The following CDH23 variants were observed in gnomAD, a reference collection of about 807,000 sequenced individuals.
CDH23 encodes cadherin-23.
In CDH23, 189 loss-of-function variants were observed where a neutral mutation model predicts 317.1. That is an observed-to-expected ratio of 0.60 (90% CI 0.53 to 0.67). The LOEUF is 0.67. Among genes scored for constraint, CDH23 ranks in the 30% least tolerant of loss-of-function variants. The pLI is 0.00. For synonymous variants in CDH23, 1,839 were observed against 1,876.8 expected, an observed-to-expected ratio of 0.98 and a Z score of 0.52; for missense variants, 4,401 against 4,592.4, an observed-to-expected ratio of 0.96 and a Z score of 1.20.
chr10:71,653,428 C>T (rs1189211748), intron 14 of CDH23, among the ~76,000 whole-genome samples: 1 of 152,242 alleles, frequency 6.6e-6, no homozygotes, highest in African/African-American at 2.4e-5. Context: ...AGAGATCACC[C>T]CTGTCCCTCC....
chr10:71,542,665 G>A (rs1295554206), intron 6 of CDH23, among the ~76,000 whole-genome samples: 1 of 152,222 alleles, frequency 6.6e-6, no homozygotes, highest in Non-Finnish European at 1.5e-5. Flanking sequence ...CCAAGACCTG[G>A]CTGCTGATAC....
intron 11 of CDH23, among the ~76,000 whole-genome samples, chr10:71,633,461 C>T (rs1202701450): frequency 6.6e-6 from 1 of 152,176 alleles, no homozygotes; most frequent in Non-Finnish European, 1.5e-5. Flanking sequence ...TAGGAGGAGC[C>T]CTTTGCATGC....
chr10:71,749,952 C>T (rs1487866454), intron 38 of CDH23: 1 of 152,348 alleles, frequency 6.6e-6, no homozygotes, highest in Non-Finnish European at 1.5e-5. Context: ...TCCACAGTAC[C>T]TGGGGCCCCC....
In CDH23 at chr10:71,694,868, G is replaced by A. The variant is rs140459713; in HGVS notation, c.2290-550G>A. On this transcript the variant is annotated intron_variant, in intron 21 of 69. Coordinates refer to ENST00000224721, the MANE Select transcript of CDH23 (RefSeq NM_022124.6). ...TCTTTGGCTCACCCTCAAAACTGTG[G>A]CCCTCACCCAGTCTGCAGCAGCCAC... Among the ~76,000 whole-genome samples, 1,036 of 152,222 alleles carry A rather than the reference G, an allele frequency of 6.8e-3. 16 individuals are homozygous for A. The highest frequency in any genetic ancestry group is 0.023 in the African/African-American group (973 of 41,532).
chr10:71,760,918 T>C (rs755835959), intron 38 of CDH23: 1 of 1,613,816 alleles, frequency 6.2e-7, no homozygotes, highest in Non-Finnish European at 8.5e-7. Context: ...GGATGGTGCA[T>C]CTTTGCCTGT....
chr10:71,692,626 G>A (rs1243234696), intron 20 of CDH23, among the ~76,000 whole-genome samples: 2 of 152,156 alleles, frequency 1.3e-5, no homozygotes, highest in East Asian at 1.9e-4. Context: ...CACCTAAGCT[G>A]CCCTGTCACC....
intron 17 of CDH23, among the ~76,000 whole-genome samples, chr10:71,681,491 T>C (rs1445872084): frequency 6.6e-6 from 1 of 152,208 alleles, no homozygotes. Flanking sequence ...CTTAGGGTTC[T>C]TCGCCCACCT....
At chr10:71,596,010 T>C (rs956735522) in intron 9 of CDH23, among the ~76,000 whole-genome samples, 2 of 152,178 alleles carry the variant, frequency 1.3e-5, no homozygotes, top group Admixed American at 6.5e-5. Flanking sequence ...GAACTGCTAA[T>C]TGGGGCTTGG....
At chr10:71,430,536 C>T (rs1849322655) in intron 1 of CDH23, among the ~76,000 whole-genome samples, 1 of 152,180 alleles carries the variant, frequency 6.6e-6, no homozygotes, top group Admixed American at 6.5e-5. Flanking sequence ...AGGCCGGGCA[C>T]AGTGGCTCAC....
rs1223691303 is a variant in CDH23 at position 71,705,970 on chromosome 10, TTCTC to T, written c.2953+845_2953+848del. On this transcript the variant is annotated intron_variant, in intron 25 of 69. Transcript: ENST00000224721. ...GGTGAGGATTTCAGAGAGCACAACATTCTCTCTCCCATTGGTCCGAAGCTTGCCT... is the reference window on the plus strand; with the variant it reads ...GGTGAGGATTTCAGAGAGCACAACATTCTCCCATTGGTCCGAAGCTTGCCT... Among the ~76,000 whole-genome samples, 5 of 152,140 alleles carry T rather than the reference TTCTC, an allele frequency of 3.3e-5. No individual in the cohort carries two copies. The South Asian group carries it at 1.0e-3, about 32-fold the overall frequency.
chr10:71,657,260 G>T lies in CDH23; in HGVS notation c.1449+10643G>T, dbSNP rs971534219. 3.3e-5 allele frequency among the ~76,000 whole-genome samples: 5 copies of T among 152,360 alleles called. No homozygotes were observed. The South Asian group carries it at 8.3e-4, about 25-fold the overall frequency. On this transcript the variant is annotated intron_variant, in intron 14 of 69. Coordinates refer to ENST00000224721, the MANE Select transcript of CDH23 (RefSeq NM_022124.6). ...TTGGCCTTGAGCCGGTGACTGAAGG[G>T]CTCTGGGTTTCCATTTTCTCAACTA... is the stretch of plus-strand genomic sequence containing the variant.
intron 22 of CDH23, among the ~76,000 whole-genome samples, chr10:71,699,827 C>T (rs919153340): frequency 2.6e-5 from 4 of 152,182 alleles, no homozygotes; most frequent in Non-Finnish European, 5.9e-5. Context: ...TCCACCCTCT[C>T]CTGTACTCCC....
At chr10:71,689,586 CG>C (rs1726495260) in intron 19 of CDH23, among the ~76,000 whole-genome samples, 1 of 152,200 alleles carries the variant, frequency 6.6e-6, no homozygotes, top group African/African-American at 2.4e-5. Flanking sequence ...CCTTGCCCCT[CG>C]GGACTGCTGA....
At chr10:71,522,732 G>T (rs1158702724) in intron 6 of CDH23, among the ~76,000 whole-genome samples, 1 of 152,202 alleles carries the variant, frequency 6.6e-6, no homozygotes, top group Non-Finnish European at 1.5e-5. Context: ...AGCTGCCTAG[G>T]TGCTGGGATA....
intron 3 of CDH23, among the ~76,000 whole-genome samples, chr10:71,459,085 CTTT>C (rs372627407): frequency 2.9e-5 from 3 of 102,596 alleles, no homozygotes; most frequent in African/African-American, 7.3e-5. Flanking sequence ...CACACCTGGC[CTTT>C]TTTTTTTTTT....
At chr10:71,741,223 T>G (rs1839723542) in intron 37 of CDH23, among the ~76,000 whole-genome samples, 1 of 152,212 alleles carries the variant, frequency 6.6e-6, no homozygotes, top group Admixed American at 6.5e-5. Context: ...GGAGCTTGCT[T>G]TTTTAAAAAA....
intron 1 of CDH23, among the ~76,000 whole-genome samples, chr10:71,401,541 T>C (rs572639309): frequency 1.3e-5 from 2 of 152,346 alleles, no homozygotes; most frequent in East Asian, 3.9e-4. Flanking sequence ...ATGGTGGTAC[T>C]TTCCAGATGG....
chr10:71,532,711 G>GTTTTTTTTTTTTTTTGTTTTTT (rs1302196155), intron 6 of CDH23, among the ~76,000 whole-genome samples: 30 of 128,118 alleles, frequency 2.3e-4, no homozygotes, highest in Non-Finnish European at 4.2e-4. Context: ...TTTTGTTTTT[G>GTTTTTTTTTTTTTTTGTTTTTT]TTTTTTTTTT....
chr10:71,562,249 GCTGA>G (rs1381705721), intron 6 of CDH23, among the ~76,000 whole-genome samples: 4 of 152,160 alleles, frequency 2.6e-5, no homozygotes, highest in African/African-American at 9.7e-5. Flanking sequence ...GCCTGTCCTG[GCTGA>G]CTGTGTGAAG....
Sources: allele counts gnomAD v4.1 joint callset (sites outside exome capture counted in the v4.1 genomes callset), GRCh38; gene constraint gnomAD v4.1.1; transcripts MANE v1.5; gene names NCBI Gene and HGNC (gene_info 2026-07-23, HGNC 2026-07-21).